CBLB: variants seen among roughly 807,000 people sequenced by gnomAD.
CBLB encodes Cbl proto-oncogene B, also known as E3 ubiquitin-protein ligase CBL-B.
In CBLB, 31 loss-of-function variants were observed where a neutral mutation model predicts 104.9. That is an observed-to-expected ratio of 0.30 (90% CI 0.22 to 0.40). The LOEUF is 0.40. Ranked by LOEUF, CBLB falls within the 10% of genes least tolerant of loss-of-function variation. The pLI, the probability that CBLB is intolerant of heterozygous loss-of-function variation, is 1.00. For missense variants in CBLB, 1,062 were observed against 1,214.6 expected (o/e 0.87, Z 1.87); for synonymous variants, 440 against 422.6 (o/e 1.04, Z -0.51).
chr3:105,703,050 G>A (rs1487790426), intron 11 of CBLB, among the ~76,000 whole-genome samples: 1 of 152,094 alleles, frequency 6.6e-6, no homozygotes, highest in Admixed American at 6.5e-5. Flanking sequence ...TCAATTTTAT[G>A]AATTCTTACA....
At position 105,751,568 on chromosome 3, in the gene CBLB, T is replaced by C. The variant is rs374943043; in HGVS notation, c.617A>G (p.Gln206Arg). 11 of 1,612,740 alleles carry C rather than the reference T, an allele frequency of 6.8e-6. No individual in the cohort carries two copies. The African/African-American group carries it at 1.3e-4, about 20-fold the overall frequency. ...CATTGCTTCCAGGCCAGAGCTAATC[T>C]GGTGGACCTCATGAAGGCACTGTCT... ...VFRQCLHEVH[Q>R]ISSGLEAMAL... The change falls in exon 5 of 19, where the codon CAG becomes CGG. Residue 206 changes from glutamine (Q) to arginine (R), a missense_variant. Gln to Arg is a conservative substitution (Grantham distance 43). This residue lies in a region of CBLB where 457 missense variants were observed against 632.0 expected (regional missense o/e 0.72). Transcript: ENST00000394030.
intron 4 of CBLB, among the ~76,000 whole-genome samples, chr3:105,764,017 CA>C (rs2077951620): frequency 6.6e-6 from 1 of 152,094 alleles, no homozygotes; most frequent in Non-Finnish European, 1.5e-5. Flanking sequence ...TTAAGGAACC[CA>C]AATATTTTGT....
chr3:105,803,063 C>T (rs1197604379), intron 3 of CBLB, among the ~76,000 whole-genome samples: 3 of 152,278 alleles, frequency 2.0e-5, no homozygotes, highest in East Asian at 1.9e-4. Context: ...CCAATATTAA[C>T]AAGTGCTCAT....
At chr3:105,839,680 A>T (rs1230435091) in intron 3 of CBLB, among the ~76,000 whole-genome samples, 2 of 152,264 alleles carry the variant, frequency 1.3e-5, no homozygotes, top group East Asian at 3.8e-4. Flanking sequence ...GTAGCCACAG[A>T]CAGTAAGTAA....
At chr3:105,766,649 G>A (rs1011294581) in intron 4 of CBLB, among the ~76,000 whole-genome samples, 7 of 142,620 alleles carry the variant, frequency 4.9e-5, no homozygotes, top group East Asian at 4.0e-4. Flanking sequence ...TTTAGTTAAG[G>A]TACATATATT....
rs1289969084 is a variant in CBLB, at chr3:105,867,570, T to G, written c.8A>C (p.Asn3Thr). MA[N>T]SMNGRNPGGR... ...ACCAGGGTTTCTGCCATTCATTGAG[T>G]TTGCCATCTGGAATTTTAGTTCTTT... The change falls in exon 2 of 19, where the codon AAC becomes ACC. Residue 3 changes from asparagine (N) to threonine (T), a missense_variant. Transcript: ENST00000394030. 1 of 1,613,992 alleles carries G rather than the reference T, an allele frequency of 6.2e-7. No homozygotes were observed. Among genetic ancestry groups the G allele is most frequent in the Non-Finnish European group, 8.5e-7 (1 of 1,180,030 alleles).
At chr3:105,720,316 A>G in intron 9 of CBLB, 66 bp from the exon 10 acceptor site, 1 of 1,419,446 alleles carries the variant, frequency 7.0e-7, no homozygotes. Flanking sequence ...AATGCTAATA[A>G]TGTTCTACAA....
At chr3:105,688,613 T>A (rs891131074) in intron 13 of CBLB, among the ~76,000 whole-genome samples, 1 of 152,090 alleles carries the variant, frequency 6.6e-6, no homozygotes, top group South Asian at 2.1e-4. Context: ...GCTTGCCCTA[T>A]ACATTACACC....
At chr3:105,848,913 C>T (rs181400657) in intron 3 of CBLB, among the ~76,000 whole-genome samples, 172 of 152,122 alleles carry the variant, frequency 1.1e-3, no homozygotes, top group African/African-American at 4.0e-3. Context: ...TGCCTAACTA[C>T]CTTTGATTGT....
chr3:105,719,235 T>G (rs1386347531), intron 10 of CBLB, among the ~76,000 whole-genome samples: 1 of 152,246 alleles, frequency 6.6e-6, no homozygotes, highest in Non-Finnish European at 1.5e-5. Context: ...TTTCCAAATT[T>G]AATAATTTCC....
At chr3:105,821,758 A>G (rs987093814) in intron 3 of CBLB, among the ~76,000 whole-genome samples, 2 of 152,168 alleles carry the variant, frequency 1.3e-5, no homozygotes, top group Admixed American at 6.5e-5. Context: ...TTTCTTCCTC[A>G]ACTAATGTTT....
intron 10 of CBLB, among the ~76,000 whole-genome samples, chr3:105,707,320 C>CACAGT (rs1350735940): frequency 6.6e-6 from 1 of 152,124 alleles, no homozygotes; most frequent in East Asian, 1.9e-4. Flanking sequence ...TTAGAAGCTA[C>CACAGT]ACAGTATCTG....
At chr3:105,744,094 C>T (rs1202024391) in intron 6 of CBLB, among the ~76,000 whole-genome samples, 1 of 152,094 alleles carries the variant, frequency 6.6e-6, no homozygotes, top group Non-Finnish European at 1.5e-5. Context: ...TAGTTTTTTA[C>T]TAAGAGAACT....
In CBLB at chr3:105,800,110, T is replaced by A. The variant is rs115746742; in HGVS notation, c.420-23568A>T. ...TTCTGTGGATCTTGGACAAGTCACCTAATCTCTTTGGTTTGGGCCTCAAAT... is the reference window on the plus strand; with the variant it reads ...TTCTGTGGATCTTGGACAAGTCACCAAATCTCTTTGGTTTGGGCCTCAAAT... On this transcript the variant is annotated intron_variant, in intron 3 of 18. Coordinates refer to ENST00000394030, the MANE Select transcript of CBLB (RefSeq NM_170662.5). 3.9e-3 allele frequency among the ~76,000 whole-genome samples: 593 copies of A among 152,288 alleles called. 2 individuals are homozygous for A. Among genetic ancestry groups the A allele is most frequent in the African/African-American group, 0.014 (566 of 41,564 alleles).
At chr3:105,808,610 A>C (rs942384734) in intron 3 of CBLB, among the ~76,000 whole-genome samples, 2 of 152,198 alleles carry the variant, frequency 1.3e-5, no homozygotes, top group African/African-American at 4.8e-5. Flanking sequence ...ACATATAATA[A>C]CTGTTCCTTG....
At chr3:105,828,649 A>T (rs189489766) in intron 3 of CBLB, among the ~76,000 whole-genome samples, 2 of 152,348 alleles carry the variant, frequency 1.3e-5, no homozygotes, top group South Asian at 2.1e-4. Flanking sequence ...ATATGCACTA[A>T]TAAGTTTAAA....
rs1168749393 is a variant in CBLB at position 105,722,146 on chromosome 3, G to T, written c.1204-1896C>A. On this transcript the variant is annotated intron_variant, in intron 9 of 18. Transcript: ENST00000394030. The stretch of plus-strand genomic sequence containing the variant: ...GACCAGGAGTTTGAGGCTGCAGTGA[G>T]CTACGACAGCATGACTGCCCTCAGC... 3.6e-5 allele frequency among the ~76,000 whole-genome samples: 5 copies of T among 137,296 alleles called. No individual in the cohort carries two copies. In the East Asian group the frequency reaches 1.1e-3, roughly 29 times the overall value. The allele number at this position is 137,296 out of a possible 152,430, so 90.1% of individuals were successfully genotyped here.
intron 2 of CBLB, among the ~76,000 whole-genome samples, chr3:105,862,512 A>G (rs2092170756): frequency 6.6e-6 from 1 of 152,118 alleles, no homozygotes; most frequent in South Asian, 2.1e-4. Flanking sequence ...AACACTTGCT[A>G]CACCTACTTC....
At chr3:105,754,068 T>G (rs1176514873) in intron 4 of CBLB, among the ~76,000 whole-genome samples, 1 of 151,982 alleles carries the variant, frequency 6.6e-6, no homozygotes, top group Admixed American at 6.6e-5. Flanking sequence ...CATATATGAG[T>G]GTTTGCGCAA....
Sources: allele counts gnomAD v4.1 joint callset (sites outside exome capture counted in the v4.1 genomes callset), GRCh38; gene constraint gnomAD v4.1.1; regional missense constraint gnomAD v4.1.1; transcripts MANE v1.5; gene names NCBI Gene and HGNC (gene_info 2026-07-23, HGNC 2026-07-21).